Variants in BCL6 observed in about 807,000 individuals in gnomAD.
BCL6 encodes B-cell lymphoma 6 protein.
Under a neutral mutation model 59.5 loss-of-function variants are expected in BCL6, and 7 were observed. That is an observed-to-expected ratio of 0.12 (90% confidence interval 0.07 to 0.22). The LOEUF is 0.22. Among genes scored for constraint, BCL6 ranks in the 10% least tolerant of loss-of-function variants. The pLI is 1.00. For missense variants in BCL6, 685 were observed against 939.4 expected, an observed-to-expected ratio of 0.73 and a Z score of 3.54; for synonymous variants, 339 against 349.7, an observed-to-expected ratio of 0.97 and a Z score of 0.34.
chr3:187,728,341 G>A lies in BCL6; in HGVS notation c.1540+19C>T, dbSNP rs770238383. The A allele has an allele frequency of 1.3e-6, 2 of 1,561,486 alleles. No homozygotes were observed. Among genetic ancestry groups the A allele is most frequent in the Admixed American group, 3.8e-5 (2 of 52,076 alleles). On this transcript the variant is annotated intron_variant, in intron 6 of 9. Coordinates refer to ENST00000406870, the MANE Select transcript of BCL6 (RefSeq NM_001706.5). Reference sequence around the variant, plus strand: ...GCCTTCCTTCTCCCTGACAAGAGGAGGGAGGGAAAAGGACTCACCACAGCT... The same window carrying A: ...GCCTTCCTTCTCCCTGACAAGAGGAAGGAGGGAAAAGGACTCACCACAGCT...
chr3:187,742,243 A>G (rs2108480646), intron 1 of BCL6, among the ~76,000 whole-genome samples: 1 of 152,270 alleles, frequency 6.6e-6, no homozygotes, highest in East Asian at 1.9e-4. Flanking sequence ...GTTTTTCACA[A>G]CAAAGTGGGT....
intron 1 of BCL6, among the ~76,000 whole-genome samples, chr3:187,744,770 G>T: frequency 6.6e-6 from 1 of 152,008 alleles, no homozygotes; most frequent in Middle Eastern, 3.4e-3. Context: ...GAAGAGGCGA[G>T]GAAAAAGAGG....
Position 187,726,981 on chromosome 3 carries a change from C to A in BCL6, c.1541-83G>T. 3.4e-6 allele frequency: 5 copies of A among 1,479,632 alleles called. No individual in the cohort carries two copies. In the South Asian group the frequency reaches 3.8e-5, roughly 11 times the overall value. The allele number at this position is 1,479,632 out of a possible 1,614,324, so 91.7% of individuals were successfully genotyped here. A position where few individuals can be genotyped will look rare whatever the true frequency, so the allele number is the denominator to read the frequency against. The stretch of plus-strand genomic sequence containing the variant: ...TAAGGCCGCTCTCCTCTGTAGCTAC[C>A]CCTTGTGCCAAACTGAACTCTCAGT... On this transcript the variant is annotated intron_variant, in intron 6 of 9. Transcript: ENST00000406870.
chr3:187,729,671 G>A lies in BCL6; in HGVS notation c.734C>T (p.Pro245Leu), dbSNP rs560916500. 89 of 1,614,130 alleles carry A rather than the reference G, an allele frequency of 5.5e-5. No individual in the cohort carries two copies. Among genetic ancestry groups the A allele is most frequent in the South Asian group, 4.0e-4 (36 of 91,082 alleles). Reference protein sequence around the residue: ...ARPVPGEYSRPTLEVSPNVCH... With the variant: ...ARPVPGEYSRLTLEVSPNVCH... ...CACATTGGGGGACACCTCCAAAGTC[G>A]GCCGGCTGTACTCACCAGGGACTGG... Residue 245 changes from proline to leucine, a missense_variant, in exon 5 of 10, where the codon CCG (proline) becomes CTG (leucine). Around this residue, in one of 7 missense-constraint regions of BCL6, gnomAD observed 268 missense variants for 263.8 expected, o/e 1.02. Coordinates refer to ENST00000406870, the MANE Select transcript of BCL6 (RefSeq NM_001706.5). The surrounding 1 kb of genome is among the most constrained non-coding windows in gnomAD (Gnocchi z 5.6).
intron 1 of BCL6, among the ~76,000 whole-genome samples, chr3:187,735,891 G>A (rs1347434008): frequency 6.6e-6 from 1 of 151,922 alleles, no homozygotes; most frequent in Non-Finnish European, 1.5e-5. Context: ...AGAGGCCTGA[G>A]GCCAACAAGG....
chr3:187,742,837 A>T, intron 1 of BCL6, among the ~76,000 whole-genome samples: 1 of 152,158 alleles, frequency 6.6e-6, no homozygotes, highest in East Asian at 1.9e-4. Flanking sequence ...TAAAGCAAGA[A>T]TGTGATTTCA....
chr3:187,742,822 T>C (rs1005423448), intron 1 of BCL6, among the ~76,000 whole-genome samples: 3 of 152,194 alleles, frequency 2.0e-5, no homozygotes, highest in African/African-American at 7.2e-5. Context: ...AAAAAGTATA[T>C]ATTTTAAAGC....
chr3:187,745,286 G>GA (rs1267839044), intron 1 of BCL6, 124 bp downstream of exon 1: 89 of 391,816 alleles, frequency 2.3e-4, no homozygotes, highest in Middle Eastern at 1.9e-3. Flanking sequence ...GGCAAGAGCG[G>GA]AAAAAAAAAG....
intron 1 of BCL6, among the ~76,000 whole-genome samples, chr3:187,744,816 G>T (rs557082253): frequency 6.6e-6 from 1 of 152,216 alleles, no homozygotes; most frequent in South Asian, 2.1e-4. Context: ...GACGGAGCAA[G>T]GAAAGCAGTT....
chr3:187,745,216 A>T, intron 1 of BCL6, among the ~76,000 whole-genome samples, 194 bp downstream of exon 1: 2 of 152,306 alleles, frequency 1.3e-5, no homozygotes, highest in East Asian at 3.9e-4. Flanking sequence ...CAGCTAGAAT[A>T]AATAAATATA....
In BCL6 at chr3:187,729,313, G is replaced by A. The variant is rs1355816826; in HGVS notation, c.1092C>T (p.Ala364=). 1.2e-6 allele frequency: 2 copies of A among 1,614,096 alleles called. No individual in the cohort carries two copies. The highest frequency in any genetic ancestry group is 2.2e-5 in the South Asian group (2 of 91,084). The change falls in exon 5 of 10, where the codon GCC becomes GCT. Residue 364 remains alanine, a synonymous_variant. Coordinates refer to ENST00000406870, the MANE Select transcript of BCL6 (RefSeq NM_001706.5). This position sits in a 1 kb window ranked among gnomAD's most constrained non-coding sequence, Gnocchi z 5.6. ...CILQASGSPP[A]KSPTDPKACN... is the part of the protein sequence containing the mutation. ...AGGCTTTGGGGTCAGTGGGGCTCTT[G>A]GCTGGAGGGGAGCCAGAAGCCTGGA... is the stretch of plus-strand genomic sequence containing the variant.
intron 1 of BCL6, among the ~76,000 whole-genome samples, chr3:187,744,047 A>G (rs1711744101): frequency 6.6e-6 from 1 of 152,202 alleles, no homozygotes; most frequent in Non-Finnish European, 1.5e-5. Flanking sequence ...CGCCCAAGGT[A>G]AGGACCTCGG....
rs1718668124 is a variant in BCL6, at chr3:187,725,905, G to A, written c.1709-276C>T. On this transcript the variant is annotated intron_variant, in intron 7 of 9. Transcript: ENST00000406870. This position sits in a 1 kb window ranked among gnomAD's most constrained non-coding sequence, Gnocchi z 4.7. ...TGCCAGGTGTGGGATAGGAGAGGGG[G>A]AGATTCCAGGAAGCCTGGGCTTTAG... 6.6e-6 allele frequency among the ~76,000 whole-genome samples: 1 copy of A among 152,220 alleles called. No individual in the cohort carries two copies. The highest frequency in any genetic ancestry group is 2.4e-5 in the African/African-American group (1 of 41,456).
chr3:187,735,769 T>G (rs1415647687), intron 1 of BCL6, among the ~76,000 whole-genome samples: 1 of 152,024 alleles, frequency 6.6e-6, no homozygotes, highest in Non-Finnish European at 1.5e-5. Context: ...AGCACAGGTG[T>G]AAGACCCTCA....
intron 3 of BCL6, 89 bp downstream of exon 3, chr3:187,733,444 A>C: frequency 1.1e-5 from 16 of 1,458,534 alleles, no homozygotes; most frequent in Non-Finnish European, 1.5e-5. Context: ...TCCCAGATGC[A>C]GTAAAAGGCC....
chr3:187,730,139 G>A (rs745342504), intron 4 of BCL6, 118 bp from the exon 5 acceptor site: 27 of 1,338,840 alleles, frequency 2.0e-5, no homozygotes, highest in Non-Finnish European at 2.7e-5. Context: ...CATAGGTGAC[G>A]TGGCTCTGGA....
intron 1 of BCL6, among the ~76,000 whole-genome samples, chr3:187,738,461 G>A (rs1000859494): frequency 6.6e-6 from 1 of 152,302 alleles, no homozygotes; most frequent in Admixed American, 6.5e-5. Flanking sequence ...GAGCTGCCAA[G>A]CCGTAAGGAT....
intron 1 of BCL6, among the ~76,000 whole-genome samples, chr3:187,744,610 T>G (rs1711798707): frequency 6.6e-6 from 1 of 152,178 alleles, no homozygotes; most frequent in Non-Finnish European, 1.5e-5. Context: ...AGAGTTCGCT[T>G]GCATTTTTTC....
intron 1 of BCL6, among the ~76,000 whole-genome samples, 173 bp downstream of exon 1, chr3:187,745,237 T>C (rs1441951696): frequency 1.3e-5 from 2 of 152,272 alleles, no homozygotes; most frequent in African/African-American, 4.8e-5. Flanking sequence ...TACATTTATA[T>C]CAATAGATAC....
Sources: gnomAD v4.1 joint callset for allele counts (sites outside exome capture counted in the v4.1 genomes callset) on GRCh38, gnomAD v4.1.1 for gene constraint, gnomAD v4.1.1 regional missense constraint, Gnocchi (gnomAD v3.1) non-coding constraint, MANE v1.5 for transcripts, NCBI Gene and HGNC (gene_info 2026-07-23, HGNC 2026-07-21) for gene names.